Variants in PARP12 observed in about 807,000 individuals in gnomAD.
PARP12 encodes the protein poly(ADP-ribose) polymerase family member 12, also known as protein mono-ADP-ribosyltransferase PARP12.
In PARP12, 59 loss-of-function variants were observed where a neutral mutation model predicts 72.4. The ratio of observed to expected loss-of-function variants is 0.81; its 90% CI spans 0.66 to 1.01. The LOEUF (loss-of-function observed/expected upper bound fraction) is 1.01. Among genes scored for constraint, PARP12 ranks in the 50% least tolerant of loss-of-function variants. The pLI is 0.00. For synonymous variants in PARP12, 403 were observed against 371.4 expected, an observed-to-expected ratio of 1.09 and a Z score of -0.98; for missense variants, 851 against 914.0, an observed-to-expected ratio of 0.93 and a Z score of 0.89.
intron 4 of PARP12, among the ~76,000 whole-genome samples, chr7:140,050,434 CT>C (rs1399123969): frequency 6.6e-6 from 1 of 152,206 alleles, no homozygotes; most frequent in Non-Finnish European, 1.5e-5. Context: ...CAGTCCTAGG[CT>C]ACATGCCAGC....
In PARP12 at chr7:140,062,741, G is replaced by A. The variant is rs1408314487; in HGVS notation, c.107C>T (p.Ala36Val). The A allele has an allele frequency of 2.2e-6, 3 of 1,373,366 alleles. No individual in the cohort carries two copies. The highest frequency in any genetic ancestry group is 9.5e-7 in the Non-Finnish European group (1 of 1,056,930). The allele number at this position is 1,373,366 out of a possible 1,614,324, so 85.1% of individuals were successfully genotyped here. ...CCGCAGCAGCCGCTCCAGCGCGTCG[G>A]CGCTCAAGCCCATCCGCAAGCGGCG... ...LRRRLRMGLS[A>V]DALERLLRQR... The change falls in exon 1 of 12, where the codon GCC (alanine) becomes GTC (valine). Residue 36 changes from alanine to valine, a missense_variant. This residue lies in a region of PARP12 where 492 missense variants were observed against 489.3 expected (regional missense o/e 1.01). Transcript: ENST00000263549.
At chr7:140,026,456 G>A (rs895006815) in intron 10 of PARP12, 108 bp from the exon 11 acceptor site, 4 of 1,451,104 alleles carry the variant, frequency 2.8e-6, no homozygotes, top group Non-Finnish European at 3.7e-6. Context: ...AGTGTCCTGG[G>A]ACCAAGAGAC....
Position 140,056,943 on chromosome 7 carries a change from T to C in PARP12, c.673A>G (p.Thr225Ala), listed in dbSNP as rs778306089. The C allele has an allele frequency of 4.3e-6, 7 of 1,614,114 alleles. No individual in the cohort carries two copies. The African/African-American group carries it at 5.3e-5, about 12-fold the overall frequency. ...ATGTCATGTGCATTTCTATAAATGG[T>C]AGGCAGCCTGCTCACCAGGTCTGAG... Reference protein sequence around the residue: ...MSSDLVSRLPTIYRNAHDIKN... With the variant: ...MSSDLVSRLPAIYRNAHDIKN... Residue 225 changes from threonine (T) to alanine (A), a missense_variant, in exon 3 of 12, where the codon ACC becomes GCC. Physicochemically the swap from Thr to Ala is moderately conservative, Grantham distance 58. This residue lies in a region of PARP12 where 492 missense variants were observed against 489.3 expected (regional missense o/e 1.01). Transcript: ENST00000263549.
intron 4 of PARP12, among the ~76,000 whole-genome samples, chr7:140,053,670 A>C (rs1562929063): frequency 6.6e-6 from 1 of 152,092 alleles, no homozygotes; most frequent in Admixed American, 6.5e-5. Context: ...CTATCATTCC[A>C]TTCCCCAGAA....
chr7:140,035,929 G>A (rs1569526856), intron 7 of PARP12, among the ~76,000 whole-genome samples: 1 of 77,438 alleles, frequency 1.3e-5, no homozygotes, highest in Non-Finnish European at 2.4e-5. Context: ...AGGAGGACAA[G>A]GAGGAGGAGG....
In PARP12 at chr7:140,056,921, T is replaced by C. The variant is rs1426378824; in HGVS notation, c.695A>G (p.Asp232Gly). ...GGGGGCAGAGCTCTTATTCTTGATG[T>C]CATGTGCATTTCTATAAATGGTAGG... ...RLPTIYRNAH[D>G]IKNKSSAPSR... is the part of the protein sequence containing the mutation. Residue 232 changes from aspartate (D) to glycine (G), a missense_variant, in exon 3 of 12, where the codon GAC (aspartate) becomes GGC (glycine). By Grantham distance (94) the Asp-to-Gly change is moderately conservative. Coordinates refer to ENST00000263549, the MANE Select transcript of PARP12 (RefSeq NM_022750.4). The C allele has an allele frequency of 1.2e-6, 2 of 1,613,786 alleles. No individual in the cohort carries two copies. The highest frequency in any genetic ancestry group is 1.3e-5 in the African/African-American group (1 of 74,932).
intron 8 of PARP12, among the ~76,000 whole-genome samples, chr7:140,031,833 T>C (rs544398994): frequency 1.3e-5 from 2 of 152,186 alleles, no homozygotes; most frequent in East Asian, 1.9e-4. Flanking sequence ...CTTCCAGAAA[T>C]AGGAGGGTCA....
intron 11 of PARP12, chr7:140,025,142 T>C: frequency 2.0e-6 from 1 of 492,964 alleles, no homozygotes; most frequent in Non-Finnish European, 3.7e-6. Flanking sequence ...GTTCCGGATC[T>C]GCCCCACGAA....
chr7:140,061,364 T>C (rs1295029981), intron 1 of PARP12, among the ~76,000 whole-genome samples: 1 of 152,214 alleles, frequency 6.6e-6, no homozygotes, highest in Non-Finnish European at 1.5e-5. Flanking sequence ...CCTGCATCCC[T>C]GAATGACTGT....
intron 7 of PARP12, among the ~76,000 whole-genome samples, chr7:140,036,977 C>T (rs1368333767): frequency 6.6e-6 from 1 of 152,164 alleles, no homozygotes; most frequent in African/African-American, 2.4e-5. Flanking sequence ...CTTTCAATTA[C>T]TCTGTGTCCT....
chr7:140,061,983 CGGGG>C (rs34674660), intron 1 of PARP12, among the ~76,000 whole-genome samples: 1 of 89,930 alleles, frequency 1.1e-5, no homozygotes, highest in Non-Finnish European at 2.2e-5. Flanking sequence ...CAGAAATGCC[CGGGG>C]GGGGGGGGGT....
At position 140,026,275 on chromosome 7, in the gene PARP12, C is replaced by T. The variant is rs376365905; in HGVS notation, c.1702G>A (p.Ala568Thr). The change falls in exon 11 of 12, where the codon GCC (alanine) becomes ACC (threonine). Residue 568 changes from alanine to threonine, a missense_variant. This residue lies in a region of PARP12 where 347 missense variants were observed against 396.1 expected (regional missense o/e 0.88). Transcript: ENST00000263549. ...DERQLFHGTS[A>T]IFVDAICQQN... The stretch of plus-strand genomic sequence containing the variant: ...TGGCAGATGGCGTCCACAAAAATGG[C>T]GCTGGTGCCGTGGAACAGCTGCCGC... 24 of 1,613,868 alleles carry T rather than the reference C, an allele frequency of 1.5e-5. No homozygotes were observed. In the Admixed American group the frequency reaches 1.7e-4, roughly 11 times the overall value.
At chr7:140,033,154 A>C in intron 8 of PARP12, 1 of 981,370 alleles carries the variant, frequency 1.0e-6, no homozygotes, top group Non-Finnish European at 1.2e-6. Flanking sequence ...CGGCCTCTTG[A>C]ACTGTTGGGA....
intron 2 of PARP12, 63 bp from the exon 3 acceptor site, chr7:140,057,216 G>A (rs1817224028): frequency 6.7e-7 from 1 of 1,489,388 alleles, no homozygotes; most frequent in Non-Finnish European, 9.1e-7. Flanking sequence ...CACCTCCCCA[G>A]TGGCCAGTCC....
Position 140,033,874 on chromosome 7 carries a change from ATCATTATT to A in PARP12, c.1421+353_1421+360del, listed in dbSNP as rs1233243156. ...CATGAGTTTTTATTGGTGTAATTCCATCATTATTTCATTATTTCAACATTTAAAAAATT... is the reference window on the plus strand; with the variant it reads ...CATGAGTTTTTATTGGTGTAATTCCATCATTATTTCAACATTTAAAAAATT... On this transcript the variant is annotated intron_variant, in intron 8 of 11. Transcript: ENST00000263549. The A allele has an allele frequency of 1.5e-5, 15 of 994,088 alleles. No homozygotes were observed. The East Asian group carries it at 4.4e-4, about 29-fold the overall frequency. The allele number at this position is 994,088 out of a possible 1,614,324, so 61.6% of individuals were successfully genotyped here. A position where few individuals can be genotyped will look rare whatever the true frequency, so the allele number is the denominator to read the frequency against.
chr7:140,025,466 C>A, intron 11 of PARP12: 1 of 404,510 alleles, frequency 2.5e-6, no homozygotes, highest in South Asian at 1.8e-5. Context: ...GGACCCGGAA[C>A]ATGGACTGCT....
rs1208532436 is a variant in PARP12 at position 140,024,812 on chromosome 7, G to T, written c.1854C>A (p.Phe618Leu). ...ACTCGCCCACCAGCACCCGGGCCAG[G>T]AACATCGTGTGGGTCTGCGTGTCGG... ...SKSDTQTHTM[F>L]LARVLVGEFV... Residue 618 changes from phenylalanine (F) to leucine (L), a missense_variant, in exon 12 of 12, where the codon TTC becomes TTA. By Grantham distance (22) the Phe-to-Leu change is conservative (BLOSUM62 0). Coordinates refer to ENST00000263549, the MANE Select transcript of PARP12 (RefSeq NM_022750.4). The T allele has an allele frequency of 1.2e-6, 2 of 1,614,194 alleles. No homozygotes were observed. Among genetic ancestry groups the T allele is most frequent in the Non-Finnish European group, 1.7e-6 (2 of 1,180,024 alleles).
intron 8 of PARP12, among the ~76,000 whole-genome samples, chr7:140,030,339 T>C (rs1039305237): frequency 2.0e-5 from 3 of 152,228 alleles, no homozygotes; most frequent in Admixed American, 1.3e-4. Flanking sequence ...GGCCCACGCC[T>C]GTAATCCCAG....
chr7:140,029,816 T>C lies in PARP12; in HGVS notation c.1422-1128A>G, dbSNP rs768808650. On this transcript the variant is annotated intron_variant, in intron 8 of 11. Coordinates refer to ENST00000263549, the MANE Select transcript of PARP12 (RefSeq NM_022750.4). ...TTAGACCAGCTGGAGGAAGAATCAG[T>C]GAGCTGAAACATATGTGAAATGAAA... 1.2e-4 allele frequency among the ~76,000 whole-genome samples: 18 copies of C among 152,226 alleles called. No individual in the cohort carries two copies. The South Asian group carries it at 3.1e-3, about 26-fold the overall frequency.
Sources: gnomAD v4.1 joint callset for allele counts (sites outside exome capture counted in the v4.1 genomes callset) on GRCh38, gnomAD v4.1.1 for gene constraint, gnomAD v4.1.1 regional missense constraint, MANE v1.5 for transcripts, NCBI Gene and HGNC (gene_info 2026-07-23, HGNC 2026-07-21) for gene names.